The following MAP2K3 variants were observed in gnomAD, a reference collection of about 807,000 sequenced individuals.
The protein encoded by MAP2K3 is mitogen-activated protein kinase kinase 3.
MAP2K3 carries 30 observed loss-of-function variants against 46.4 expected under a neutral mutation model. The ratio of observed to expected loss-of-function variants is 0.65; its 90% CI spans 0.48 to 0.88. The LOEUF is 0.88. Among genes scored for constraint, MAP2K3 ranks in the 40% least tolerant of loss-of-function variants. The pLI is 0.00. For synonymous variants in MAP2K3, 189 were observed against 176.3 expected (o/e 1.07, Z -0.57); for missense variants, 380 against 464.5 (o/e 0.82, Z 1.67).
chr17:21,301,106 C>A, intron 5 of MAP2K3, 113 bp downstream of exon 5: 1 of 1,556,962 alleles, frequency 6.4e-7, no homozygotes, highest in Non-Finnish European at 8.8e-7. Flanking sequence ...ACCTGGCATA[C>A]TGGCAGGAGG....
At position 21,298,931 on chromosome 17, in the gene MAP2K3, G is replaced by A. The variant is rs773541825; in HGVS notation, c.165+5G>A. 6.2e-7 allele frequency: 1 copy of A among 1,614,128 alleles called. No individual in the cohort carries two copies. The highest frequency in any genetic ancestry group is 1.3e-5 in the African/African-American group (1 of 74,966). ...TTCATCACCATTGGAGACAGAGTAG[G>A]TGCCAGCCGCCACCCCTGCAGGGCC... On this transcript the variant is annotated splice_donor_5th_base_variant and intron_variant, in intron 3 of 11. Coordinates refer to ENST00000342679, the MANE Select transcript of MAP2K3 (RefSeq NM_145109.3).
intron 1 of MAP2K3, chr17:21,295,833 A>G: frequency 7.8e-7 from 1 of 1,289,650 alleles, no homozygotes; most frequent in South Asian, 1.2e-5. Flanking sequence ...ATCCCAAGGC[A>G]TGAGGTGGGT....
chr17:21,284,779 G>GTCC lies in MAP2K3; in HGVS notation c.-140_-139insCTC. The GTCC allele has an allele frequency of 1.1e-6, 1 of 917,270 alleles. No homozygotes were observed. The highest frequency in any genetic ancestry group is 1.6e-6 in the Non-Finnish European group (1 of 642,846). The allele number at this position is 917,270 out of a possible 1,614,324, so 56.8% of individuals were successfully genotyped here. A position where few individuals can be genotyped will look rare whatever the true frequency, so the allele number is the denominator to read the frequency against. On this transcript the variant is annotated 5_prime_UTR_variant, in exon 1 of 12. Transcript: ENST00000342679. ...AGTCGCCGCCGCAGTCCTCGCCGCAGTCGCCGCCGCCGCCGCCGCCGCCGC... is the reference window on the plus strand; with the variant it reads ...AGTCGCCGCCGCAGTCCTCGCCGCAGTCCTCGCCGCCGCCGCCGCCGCCGCCGC...
intron 8 of MAP2K3, 141 bp from the exon 9 acceptor site, chr17:21,304,910 G>A: frequency 9.5e-7 from 1 of 1,055,052 alleles, no homozygotes; most frequent in Admixed American, 1.8e-5. Context: ...CATGACCCAG[G>A]CCCTCCTAGC....
At chr17:21,292,274 C>T (rs1975983415) in intron 1 of MAP2K3, among the ~76,000 whole-genome samples, 1 of 152,310 alleles carries the variant, frequency 6.6e-6, no homozygotes, top group Admixed American at 6.5e-5. Context: ...AAATTGCCTG[C>T]ACTTGAGTAG....
chr17:21,286,444 G>C (rs1173136923), intron 1 of MAP2K3, among the ~76,000 whole-genome samples: 2 of 152,260 alleles, frequency 1.3e-5, no homozygotes, highest in African/African-American at 4.8e-5. Context: ...TGGCTGCTAT[G>C]GTGGCTGGAG....
intron 5 of MAP2K3, among the ~76,000 whole-genome samples, chr17:21,301,282 G>A (rs62057676): frequency 6.6e-6 from 1 of 152,310 alleles, no homozygotes; most frequent in Non-Finnish European, 1.5e-5. Flanking sequence ...GTGACCATTC[G>A]CATCCCCATG....
At chr17:21,312,645 G>C (rs1597507295) in intron 10 of MAP2K3, among the ~76,000 whole-genome samples, 1 of 152,168 alleles carries the variant, frequency 6.6e-6, no homozygotes, top group East Asian at 1.9e-4. Context: ...GGCTGGGCAC[G>C]GTGGCTCACG....
chr17:21,300,047 C>A (rs1186944735), intron 3 of MAP2K3, among the ~76,000 whole-genome samples: 1 of 152,312 alleles, frequency 6.6e-6, no homozygotes, highest in African/African-American at 2.4e-5. Flanking sequence ...GTCGCACTCC[C>A]TGACACTCAC....
intron 1 of MAP2K3, among the ~76,000 whole-genome samples, chr17:21,288,596 G>C (rs1295476318): frequency 6.6e-6 from 1 of 152,248 alleles, no homozygotes; most frequent in Non-Finnish European, 1.5e-5. Context: ...CGTGGGACAA[G>C]TTGCATCTGG....
chr17:21,307,237 A>G (rs1273792270), intron 9 of MAP2K3, among the ~76,000 whole-genome samples: 4 of 152,424 alleles, frequency 2.6e-5, no homozygotes, highest in Admixed American at 6.5e-5. Flanking sequence ...GAGTCACCTC[A>G]TTAGCATAAA....
intron 9 of MAP2K3, 35 bp from the exon 10 acceptor site, chr17:21,312,107 G>C (rs1172138285): frequency 7.4e-6 from 11 of 1,489,788 alleles, no homozygotes; most frequent in Non-Finnish European, 9.8e-6. Context: ...GTTGTATCTG[G>C]GGCCGGGGCC....
At chr17:21,300,689 C>T (rs1341243947) in intron 4 of MAP2K3, 31 bp downstream of exon 4, 7 of 1,597,628 alleles carry the variant, frequency 4.4e-6, no homozygotes, top group Non-Finnish European at 5.1e-6. Context: ...GCTGGGAGGG[C>T]TCCCTGGAGG....
chr17:21,300,449 T>A, intron 3 of MAP2K3, 96 bp from the exon 4 acceptor site: 1 of 1,277,980 alleles, frequency 7.8e-7, no homozygotes, highest in Non-Finnish European at 1.1e-6. Context: ...TCTAATCAGC[T>A]GGTCCTCTTC....
At chr17:21,294,986 T>C (rs1179531370) in intron 1 of MAP2K3, among the ~76,000 whole-genome samples, 1 of 152,310 alleles carries the variant, frequency 6.6e-6, no homozygotes, top group Non-Finnish European at 1.5e-5. Context: ...AACGGCCACC[T>C]GTGGGACTCC....
At chr17:21,295,113 A>T (rs1459808411) in intron 1 of MAP2K3, among the ~76,000 whole-genome samples, 1 of 152,312 alleles carries the variant, frequency 6.6e-6, no homozygotes, top group Non-Finnish European at 1.5e-5. Flanking sequence ...AGTCACAGGG[A>T]AGAGCATTTC....
intron 1 of MAP2K3, among the ~76,000 whole-genome samples, chr17:21,287,577 T>A (rs977793476): frequency 6.6e-6 from 1 of 152,182 alleles, no homozygotes; most frequent in Non-Finnish European, 1.5e-5. Flanking sequence ...TATGAGTGTG[T>A]GAGGCCCTCA....
At chr17:21,305,689 T>C (rs897881444) in intron 9 of MAP2K3, among the ~76,000 whole-genome samples, 1 of 152,306 alleles carries the variant, frequency 6.6e-6, no homozygotes, top group Admixed American at 6.5e-5. Context: ...CAGAACCCCA[T>C]GCCTTCCGTG....
chr17:21,302,071 G>A (rs1976634056), intron 5 of MAP2K3, 72 bp from the exon 6 acceptor site: 5 of 1,463,366 alleles, frequency 3.4e-6, no homozygotes, highest in Middle Eastern at 1.7e-4. Context: ...GGCTGGTGCT[G>A]GGGCAGGCAG....
Sources: allele counts gnomAD v4.1 joint callset (sites outside exome capture counted in the v4.1 genomes callset), GRCh38; gene constraint gnomAD v4.1.1; transcripts MANE v1.5; gene names NCBI Gene and HGNC (gene_info 2026-07-23, HGNC 2026-07-21).